Variants in ESR1 observed in about 807,000 individuals in gnomAD.
ESR1 encodes the protein estrogen receptor.
A neutral mutation model predicts 52.7 loss-of-function variants in ESR1; 12 were observed. That is an observed-to-expected ratio of 0.23 (90% CI 0.15 to 0.37). The LOEUF (loss-of-function observed/expected upper bound fraction) is 0.37, where lower values mean the gene tolerates loss of function less well. ESR1 is among the 10% of genes least tolerant of loss of function. The probability of loss-of-function intolerance (pLI) is 1.00; values close to 1 mark genes in which losing one functional copy is unlikely to be tolerated. For missense variants in ESR1, 584 were observed against 779.7 expected (o/e 0.75, Z 2.99); for synonymous variants, 305 against 316.8 (o/e 0.96, Z 0.39).
chr6:152,097,570 T>C (rs964138069), intron 7 of ESR1, among the ~76,000 whole-genome samples: 1 of 152,176 alleles, frequency 6.6e-6, no homozygotes, highest in African/African-American at 2.4e-5. Context: ...TCATGATACA[T>C]ATTTCTTTTA....
intron 3 of ESR1, among the ~76,000 whole-genome samples, chr6:151,892,050 G>A (rs1223253124): frequency 6.6e-6 from 1 of 151,862 alleles, no homozygotes; most frequent in African/African-American, 2.4e-5. Context: ...TGCCCATTCT[G>A]GTATATAAAA....
At chr6:152,112,260 A>G (rs1474901220) in intron 6 of ESR1, among the ~76,000 whole-genome samples, 5 of 152,244 alleles carry the variant, frequency 3.3e-5, no homozygotes, top group African/African-American at 1.2e-4. Context: ...ATGGAAAGGC[A>G]ATGTCAGAGA....
intron 1 of ESR1, among the ~76,000 whole-genome samples, chr6:151,824,423 G>T (rs1781116868): frequency 6.6e-6 from 1 of 152,028 alleles, no homozygotes; most frequent in Admixed American, 6.5e-5. Context: ...TTTGTAGGTT[G>T]CCTGTTCACT....
chr6:151,893,083 C>T (rs566797366), intron 3 of ESR1, among the ~76,000 whole-genome samples: 2 of 152,136 alleles, frequency 1.3e-5, no homozygotes, highest in African/African-American at 2.4e-5. Flanking sequence ...CGCAGCTACT[C>T]GGGATACTGA....
intron 2 of ESR1, among the ~76,000 whole-genome samples, chr6:151,864,945 G>A: frequency 9.2e-6 from 1 of 108,298 alleles, no homozygotes; most frequent in South Asian, 3.9e-4. Context: ...TTGTGGGGTG[G>A]GGGGAGGGGG....
intron 2 of ESR1, among the ~76,000 whole-genome samples, chr6:151,771,876 A>G (rs1269424602): frequency 6.6e-6 from 1 of 150,956 alleles, no homozygotes; most frequent in Non-Finnish European, 1.5e-5. Context: ...ATGGGGAGTA[A>G]GAAATTACTT....
intron 3 of ESR1, among the ~76,000 whole-genome samples, chr6:151,941,699 C>G (rs4363047): frequency 0.79 from 119,646 of 152,038 alleles, 47,658 homozygotes; most frequent in African/African-American, 0.89. Flanking sequence ...CATCTAGCCT[C>G]TTCTTGGAAA....
At chr6:152,018,367 T>C (rs1027275736) in intron 5 of ESR1, among the ~76,000 whole-genome samples, 3 of 152,062 alleles carry the variant, frequency 2.0e-5, no homozygotes, top group African/African-American at 7.2e-5. Context: ...TTAGCTATCT[T>C]TTTCCCCATG....
chr6:151,938,721 GATTA>G, intron 3 of ESR1, among the ~76,000 whole-genome samples: 1 of 152,174 alleles, frequency 6.6e-6, no homozygotes, highest in East Asian at 1.9e-4. Flanking sequence ...TCCTAGGGTG[GATTA>G]GAATCATTCA....
At chr6:152,050,637 G>A (rs934009014) in intron 5 of ESR1, among the ~76,000 whole-genome samples, 1 of 152,136 alleles carries the variant, frequency 6.6e-6, no homozygotes, top group Non-Finnish European at 1.5e-5. Context: ...TTTGCCCAAG[G>A]CCATTAGCTT....
chr6:151,818,776 T>C (rs147791317), intron 1 of ESR1, among the ~76,000 whole-genome samples: 3 of 151,796 alleles, frequency 2.0e-5, no homozygotes, highest in African/African-American at 7.3e-5. Flanking sequence ...GCTACTAGAG[T>C]GTACTACCTA....
Position 151,979,547 on chromosome 6 carries a change from T to C in ESR1, c.1097-32109T>C, listed in dbSNP as rs9340940. 1.5e-3 allele frequency among the ~76,000 whole-genome samples: 221 copies of C among 152,268 alleles called. 5 individuals carry two copies. The East Asian group carries it at 0.032, about 22-fold the overall frequency. On this transcript the variant is annotated intron_variant, in intron 4 of 7. Coordinates refer to ENST00000206249, the MANE Select transcript of ESR1 (RefSeq NM_000125.4). ...CATAAAACTGTGACTTCTGAAGAAA[T>C]ACAATCATATAAAATCATATTTTAA...
intron 5 of ESR1, among the ~76,000 whole-genome samples, chr6:152,017,929 C>T (rs1261247010): frequency 6.6e-6 from 1 of 152,024 alleles, no homozygotes; most frequent in Non-Finnish European, 1.5e-5. Context: ...CTCCTATTTA[C>T]TCTCAGAGAA....
intron 3 of ESR1, among the ~76,000 whole-genome samples, chr6:151,889,670 C>T (rs1297951892): frequency 6.6e-6 from 1 of 151,982 alleles, no homozygotes; most frequent in Non-Finnish European, 1.5e-5. Flanking sequence ...TTCCTCCGAT[C>T]TTTATTATTT....
rs1458404088 is a variant in ESR1, at chr6:151,850,075, A to ATTTTATATATATAC, written c.643+7288_643+7289insTTTTATATATATAC. Among the ~76,000 whole-genome samples the ATTTTATATATATAC allele has an allele frequency of 1.5e-3, 128 of 82,662 alleles. 2 individuals are homozygous for ATTTTATATATATAC. Among genetic ancestry groups the ATTTTATATATATAC allele is most frequent in the Non-Finnish European group, 2.1e-3 (106 of 50,302 alleles). 54.2% of individuals were successfully genotyped at this position (82,662 alleles called of 152,430 possible). ...ATATATATAATTTTATATATATATA[A>ATTTTATATATATAC]AAAATTATATATATATAATTTTATA... On this transcript the variant is annotated intron_variant, in intron 2 of 7. Transcript: ENST00000206249.
chr6:151,707,335 A>G (rs962039841), intron 2 of ESR1, among the ~76,000 whole-genome samples: 5 of 152,128 alleles, frequency 3.3e-5, no homozygotes, highest in Admixed American at 3.3e-4. Context: ...TCTTAGCAAT[A>G]TGTATGTGTG....
At chr6:151,818,577 G>A (rs1197878547) in intron 1 of ESR1, among the ~76,000 whole-genome samples, 1 of 152,164 alleles carries the variant, frequency 6.6e-6, no homozygotes, top group Non-Finnish European at 1.5e-5. Context: ...CTGAATGACT[G>A]TAGTTGACAG....
intron 4 of ESR1, among the ~76,000 whole-genome samples, chr6:151,960,666 G>A (rs1004425182): frequency 1.3e-5 from 2 of 152,224 alleles, no homozygotes; most frequent in Non-Finnish European, 2.9e-5. Flanking sequence ...TGAAGGAAAT[G>A]AGGACTCATT....
intron 5 of ESR1, among the ~76,000 whole-genome samples, chr6:152,013,595 A>G (rs1392430531): frequency 6.6e-6 from 1 of 152,188 alleles, no homozygotes; most frequent in East Asian, 1.9e-4. Flanking sequence ...AAATAATTGC[A>G]TTTTGAATAT....
Sources: gnomAD v4.1 joint callset for allele counts (sites outside exome capture counted in the v4.1 genomes callset) on GRCh38, gnomAD v4.1.1 for gene constraint, MANE v1.5 for transcripts, NCBI Gene and HGNC (gene_info 2026-07-23, HGNC 2026-07-21) for gene names.